The following GPHN variants were observed in gnomAD, a reference collection of about 807,000 sequenced individuals.
The protein encoded by GPHN is gephyrin.
Under a neutral mutation model 95.5 loss-of-function variants are expected in GPHN, and 17 were observed. The ratio of observed to expected loss-of-function variants is 0.18; its 90% CI spans 0.12 to 0.27. The LOEUF is 0.27. Ranked by LOEUF, GPHN falls within the 10% of genes least tolerant of loss-of-function variation. GPHN has a pLI of 1.00. For missense variants in GPHN, 660 were observed against 978.1 expected (o/e 0.67, Z 4.34); for synonymous variants, 320 against 322.5 (o/e 0.99, Z 0.08).
the GPHN span, among the ~76,000 whole-genome samples, chr14:67,346,374 C>A: frequency 6.6e-6 from 1 of 152,232 alleles, no homozygotes; most frequent in South Asian, 2.1e-4. Flanking sequence ...TGCAGTGGTG[C>A]GATCTCAGCT....
At chr14:66,690,711 A>G (rs1306304549) in intron 2 of GPHN, among the ~76,000 whole-genome samples, 2 of 152,076 alleles carry the variant, frequency 1.3e-5, no homozygotes, top group African/African-American at 4.8e-5. Flanking sequence ...TTATATTTAC[A>G]TTTGTTATCT....
chr14:67,631,406 A>G, the GPHN span, among the ~76,000 whole-genome samples: 175 of 147,816 alleles, frequency 1.2e-3, 5 homozygotes, highest in East Asian at 0.022. Context: ...AACTCTTCAA[A>G]TTCCTCTAGT....
chr14:67,424,244 A>AAAATAAAT, the GPHN span, among the ~76,000 whole-genome samples: 70 of 151,764 alleles, frequency 4.6e-4, no homozygotes, highest in African/African-American at 1.3e-3. Context: ...CTCTGTCTCA[A>AAAATAAAT]AAATAAATAA....
chr14:67,361,839 G>A, the GPHN span, among the ~76,000 whole-genome samples: 9 of 152,102 alleles, frequency 5.9e-5, no homozygotes, highest in Non-Finnish European at 8.8e-5. Flanking sequence ...TAGCTCCTAC[G>A]CTAGTACTTA....
At chr14:67,212,780 A>ATT in the GPHN span, among the ~76,000 whole-genome samples, 2 of 151,630 alleles carry the variant, frequency 1.3e-5, no homozygotes, top group Admixed American at 1.3e-4. Context: ...AGGCCAAGGG[A>ATT]AACAAAGGAA....
At chr14:67,319,085 A>G in the GPHN span, among the ~76,000 whole-genome samples, 1 of 152,246 alleles carries the variant, frequency 6.6e-6, no homozygotes, top group South Asian at 2.1e-4. Flanking sequence ...TTAGATATTA[A>G]AGTGATTTGC....
the GPHN span, chr14:67,333,027 C>G: frequency 1.5e-6 from 2 of 1,346,350 alleles, no homozygotes; most frequent in East Asian, 4.7e-5. Context: ...CTGCCCGACA[C>G]TGCAGCAAGA....
chr14:67,450,271 T>C, the GPHN span, among the ~76,000 whole-genome samples: 7 of 152,106 alleles, frequency 4.6e-5, no homozygotes, highest in African/African-American at 1.4e-4. Flanking sequence ...ATCAGCAGCA[T>C]GAAAATGGAC....
At chr14:67,057,413 G>GGC (rs1555477487) in intron 10 of GPHN, among the ~76,000 whole-genome samples, 1 of 151,480 alleles carries the variant, frequency 6.6e-6, no homozygotes, top group African/African-American at 2.4e-5. Context: ...CACATGGGTG[G>GGC]GGGGGGCAAC....
chr14:67,657,567 G>A, the GPHN span, among the ~76,000 whole-genome samples: 5 of 151,586 alleles, frequency 3.3e-5, no homozygotes, highest in African/African-American at 1.2e-4. Flanking sequence ...GCAGCTCCAA[G>A]TTCTTAGCTG....
At chr14:66,550,708 C>T (rs1343507563) in intron 1 of GPHN, among the ~76,000 whole-genome samples, 9 of 152,136 alleles carry the variant, frequency 5.9e-5, no homozygotes, top group Admixed American at 3.9e-4. Flanking sequence ...TAAGAAATTG[C>T]CACAGCCACC....
At chr14:66,713,891 C>T (rs1298475716) in intron 2 of GPHN, among the ~76,000 whole-genome samples, 2 of 152,178 alleles carry the variant, frequency 1.3e-5, no homozygotes. Context: ...GTCTCCTCCT[C>T]CCAAGTAGCT....
the GPHN span, chr14:67,587,862 A>C: frequency 1.3e-5 from 2 of 154,502 alleles, no homozygotes; most frequent in Non-Finnish European, 2.9e-5. Flanking sequence ...CTAATTTTTT[A>C]ATATTGTATA....
intron 1 of GPHN, among the ~76,000 whole-genome samples, chr14:66,534,417 T>C (rs1323327287): frequency 6.6e-6 from 1 of 152,192 alleles, no homozygotes; most frequent in Non-Finnish European, 1.5e-5. Flanking sequence ...GGTTATGACA[T>C]TCATCCATGA....
At chr14:67,022,749 G>A (rs773512294) in intron 9 of GPHN, among the ~76,000 whole-genome samples, 1 of 151,070 alleles carries the variant, frequency 6.6e-6, no homozygotes, top group Non-Finnish European at 1.5e-5. Flanking sequence ...ATAGTAGATT[G>A]TGTTGAACTA....
chr14:67,467,471 G>A, the GPHN span: 1 of 152,302 alleles, frequency 6.6e-6, no homozygotes, highest in Admixed American at 6.5e-5. Context: ...AGGAGGGAGG[G>A]AGGGGAGAGG....
the GPHN span, chr14:67,574,275 G>A: frequency 6.2e-7 from 1 of 1,608,726 alleles, no homozygotes; most frequent in Admixed American, 1.7e-5. The surrounding 1 kb of genome is among the most constrained non-coding windows in gnomAD (Gnocchi z 4.2). Flanking sequence ...CTACCTGACG[G>A]CCGATTCACC....
chr14:67,213,712 T>A, the GPHN span, among the ~76,000 whole-genome samples: 2 of 152,178 alleles, frequency 1.3e-5, no homozygotes, highest in Non-Finnish European at 2.9e-5. Context: ...ATGGTATTTC[T>A]AGTTCTAGAT....
chr14:67,095,942 AC>A (rs2077358386), intron 12 of GPHN, among the ~76,000 whole-genome samples: 1 of 146,428 alleles, frequency 6.8e-6, no homozygotes. Context: ...TAATAAAAAA[AC>A]AAAAAAAAAG....
Sources: gnomAD v4.1 joint callset for allele counts (sites outside exome capture counted in the v4.1 genomes callset) on GRCh38, gnomAD v4.1.1 for gene constraint, Gnocchi (gnomAD v3.1) non-coding constraint, MANE v1.5 for transcripts, NCBI Gene and HGNC (gene_info 2026-07-23, HGNC 2026-07-21) for gene names.